The following PACRG variants were observed in gnomAD, a reference collection of about 807,000 sequenced individuals.
PACRG encodes the protein parkin coregulated gene protein.
In PACRG, 29 loss-of-function variants were observed where a neutral mutation model predicts 29.7. That is an observed-to-expected ratio of 0.98 (90% CI 0.73 to 1.33). The LOEUF (loss-of-function observed/expected upper bound fraction) is 1.33, where lower values mean the gene tolerates loss of function less well. Ranked by LOEUF, PACRG falls within the 40% of genes most tolerant of loss-of-function variation. The pLI is 0.00. For missense variants in PACRG, 279 were observed against 316.2 expected, an observed-to-expected ratio of 0.88 and a Z score of 0.89; for synonymous variants, 116 against 118.7, an observed-to-expected ratio of 0.98 and a Z score of 0.15.
chr6:162,933,890 TAGTG>T (rs893072432), intron 2 of PACRG, among the ~76,000 whole-genome samples: 3 of 152,022 alleles, frequency 2.0e-5, no homozygotes, highest in African/African-American at 4.8e-5. Context: ...AGAGATTACA[TAGTG>T]AGAGGGGAAA....
intron 2 of PACRG, among the ~76,000 whole-genome samples, chr6:162,857,122 A>G (rs548157951): frequency 6.6e-6 from 1 of 152,178 alleles, no homozygotes; most frequent in Non-Finnish European, 1.5e-5. Flanking sequence ...GAGAAAGAAG[A>G]AAGCAAGCAA....
chr6:163,099,821 C>T (rs889466909), intron 4 of PACRG, among the ~76,000 whole-genome samples: 1 of 152,174 alleles, frequency 6.6e-6, no homozygotes, highest in African/African-American at 2.4e-5. Flanking sequence ...CGGAACCCCT[C>T]GCAGGGGTGG....
At chr6:162,878,784 G>A (rs966890524) in intron 2 of PACRG, among the ~76,000 whole-genome samples, 6 of 152,150 alleles carry the variant, frequency 3.9e-5, no homozygotes, top group African/African-American at 1.4e-4. Context: ...GTAGTTTACC[G>A]TGATTTGTAG....
intron 2 of PACRG, among the ~76,000 whole-genome samples, chr6:163,052,972 A>G (rs982658165): frequency 5.3e-5 from 8 of 152,204 alleles, no homozygotes; most frequent in African/African-American, 1.9e-4. Flanking sequence ...TGGAGCTAAT[A>G]TCAATGTAAT....
intron 1 of PACRG, among the ~76,000 whole-genome samples, chr6:162,768,608 A>T (rs1254950789): frequency 6.6e-6 from 1 of 152,048 alleles, no homozygotes. Context: ...AATTTTTAAA[A>T]TATTTCAACA....
chr6:163,239,943 A>C (rs1280205258), intron 4 of PACRG, among the ~76,000 whole-genome samples: 111 of 56,240 alleles, frequency 2.0e-3, no homozygotes, highest in Middle Eastern at 0.015. Flanking sequence ...TCACACTCCC[A>C]CCCCCCCCAC....
At chr6:162,742,031 A>G (rs990660112) in intron 1 of PACRG, among the ~76,000 whole-genome samples, 1 of 152,142 alleles carries the variant, frequency 6.6e-6, no homozygotes, top group Non-Finnish European at 1.5e-5. Context: ...CTAAAATTTT[A>G]TGTCCTATCA....
chr6:162,838,407 C>A (rs758338118), intron 2 of PACRG, among the ~76,000 whole-genome samples: 1 of 152,120 alleles, frequency 6.6e-6, no homozygotes, highest in Non-Finnish European at 1.5e-5. Flanking sequence ...TGGTCCCAGA[C>A]TAGAGGTTCC....
chr6:163,098,082 C>T (rs960504272), intron 4 of PACRG, among the ~76,000 whole-genome samples: 3 of 152,106 alleles, frequency 2.0e-5, no homozygotes, highest in Non-Finnish European at 2.9e-5. Flanking sequence ...AAGTAAGCCA[C>T]GTTATATAGG....
chr6:163,229,180 T>A (rs556013275), intron 4 of PACRG, among the ~76,000 whole-genome samples: 119 of 152,224 alleles, frequency 7.8e-4, no homozygotes, highest in Admixed American at 1.2e-3. Flanking sequence ...GTCAACATAG[T>A]GAGACCCCCG....
At chr6:163,142,648 A>G (rs1397990258) in intron 4 of PACRG, among the ~76,000 whole-genome samples, 1 of 152,256 alleles carries the variant, frequency 6.6e-6, no homozygotes, top group Non-Finnish European at 1.5e-5. Context: ...ATATATGAAC[A>G]TAGTTGTAAA....
intron 2 of PACRG, among the ~76,000 whole-genome samples, chr6:162,821,121 G>C (rs998394014): frequency 6.6e-6 from 1 of 152,184 alleles, no homozygotes; most frequent in African/African-American, 2.4e-5. Context: ...CTGAAAACCA[G>C]ATGAAAGATT....
At chr6:163,231,086 G>A (rs1453544362) in intron 4 of PACRG, among the ~76,000 whole-genome samples, 1 of 152,238 alleles carries the variant, frequency 6.6e-6, no homozygotes, top group African/African-American at 2.4e-5. Flanking sequence ...CCAAACAGGG[G>A]CTCTCAAGAT....
At chr6:163,290,793 T>C (rs1408693345) in intron 4 of PACRG, among the ~76,000 whole-genome samples, 1 of 152,158 alleles carries the variant, frequency 6.6e-6, no homozygotes, top group East Asian at 1.9e-4. Context: ...TTCCACACAA[T>C]GGTCACTTAA....
intron 4 of PACRG, chr6:163,101,470 A>G (rs772570881): frequency 1.1e-6 from 1 of 886,034 alleles, no homozygotes; most frequent in Non-Finnish European, 1.4e-6. Flanking sequence ...ACCTAACCAA[A>G]TGTCTTAGAT....
chr6:163,024,454 A>G (rs376963067), intron 2 of PACRG, among the ~76,000 whole-genome samples: 17 of 152,298 alleles, frequency 1.1e-4, no homozygotes, highest in African/African-American at 4.1e-4. Flanking sequence ...TTGTACCAGT[A>G]CCATGCTGTT....
intron 2 of PACRG, among the ~76,000 whole-genome samples, chr6:163,045,088 G>T (rs1185684391): frequency 2.0e-5 from 3 of 152,132 alleles, no homozygotes; most frequent in African/African-American, 7.2e-5. Flanking sequence ...TTGGGGAGAT[G>T]CCAGCAACTC....
At chr6:162,848,777 T>C (rs1027778268) in intron 2 of PACRG, among the ~76,000 whole-genome samples, 1 of 152,264 alleles carries the variant, frequency 6.6e-6, no homozygotes, top group Admixed American at 6.5e-5. Flanking sequence ...GATCTGAATA[T>C]ACACTATATG....
At chr6:162,738,153 A>G (rs571720343) in intron 1 of PACRG, among the ~76,000 whole-genome samples, 2 of 152,264 alleles carry the variant, frequency 1.3e-5, no homozygotes, top group South Asian at 4.1e-4. Context: ...CAGGATCCTG[A>G]AATTTGTATA....
Sources: allele counts gnomAD v4.1 joint callset (sites outside exome capture counted in the v4.1 genomes callset), GRCh38; gene constraint gnomAD v4.1.1; transcripts MANE v1.5; gene names NCBI Gene and HGNC (gene_info 2026-07-23, HGNC 2026-07-21).